The following ANKRD30B variants were observed in gnomAD, a reference collection of about 807,000 sequenced individuals.
The protein encoded by ANKRD30B is ankyrin repeat domain-containing protein 30B.
A neutral mutation model predicts 202.2 loss-of-function variants in ANKRD30B; 144 were observed. The observed-to-expected ratio is 0.71, with a 90% CI of 0.62 to 0.82. The LOEUF is 0.82. Ranked by LOEUF, ANKRD30B falls within the 40% of genes least tolerant of loss-of-function variation. ANKRD30B has a pLI of 0.00. For missense variants in ANKRD30B, 1,487 were observed against 1,669.1 expected, an observed-to-expected ratio of 0.89 and a Z score of 1.90; for synonymous variants, 508 against 561.3, an observed-to-expected ratio of 0.91 and a Z score of 1.34.
chr18:14,911,399 AT>A, the ANKRD30B span, among the ~76,000 whole-genome samples: 1 of 152,068 alleles, frequency 6.6e-6, no homozygotes, highest in South Asian at 2.1e-4. Flanking sequence ...TCCAGTGTAT[AT>A]GTATTTTTGA....
chr18:14,870,535 C>T, the ANKRD30B span, among the ~76,000 whole-genome samples: 2,236 of 152,248 alleles, frequency 0.015, 64 homozygotes, highest in African/African-American at 0.052. Context: ...GGAACACTTC[C>T]CACAGGCGTT....
intron 39 of ANKRD30B, among the ~76,000 whole-genome samples, chr18:14,846,836 G>T (rs544812465): frequency 6.6e-6 from 1 of 151,502 alleles, no homozygotes; most frequent in East Asian, 1.9e-4. Context: ...TCTTATAGGT[G>T]TTATACAGGT....
intron 15 of ANKRD30B, among the ~76,000 whole-genome samples, chr18:14,788,365 G>A (rs1968226357): frequency 6.6e-6 from 1 of 152,028 alleles, no homozygotes; most frequent in Admixed American, 6.6e-5. Flanking sequence ...GCTTGATGTA[G>A]AGAGAGTTAT....
At chr18:14,865,193 G>A in the ANKRD30B span, among the ~76,000 whole-genome samples, 23 of 148,098 alleles carry the variant, frequency 1.6e-4, no homozygotes, top group Admixed American at 1.1e-3. Flanking sequence ...TCGTCTTTTC[G>A]CAAAACCTTT....
At position 14,814,638 on chromosome 18, in the gene ANKRD30B, C is replaced by T; in HGVS notation, c.2568C>T (p.Leu856=). 1 of 1,192,790 alleles carries T rather than the reference C, an allele frequency of 8.4e-7. No individual in the cohort carries two copies. The highest frequency in any genetic ancestry group is 1.2e-6 in the Non-Finnish European group (1 of 847,558). 73.9% of individuals were successfully genotyped at this position (1,192,790 alleles called of 1,614,324 possible). A position where few individuals can be genotyped will look rare whatever the true frequency, so the allele number is the denominator to read the frequency against. ...TTTAACAGAGTTTCCTTGAGGCTCT[C>T]TTACAGAATGATGGGTGTTTACCCA... ...SWDFESFLEA[L]LQNDGCLPKA... The change falls in exon 30 of 44, where the codon CTC becomes CTT. Residue 856 remains leucine, a synonymous_variant. Transcript: ENST00000690538.
At chr18:14,818,779 G>A (rs1413625289) in intron 30 of ANKRD30B, among the ~76,000 whole-genome samples, 1 of 151,960 alleles carries the variant, frequency 6.6e-6, no homozygotes, top group Non-Finnish European at 1.5e-5. Flanking sequence ...TATTTGGGTT[G>A]GTTCCAAGTC....
chr18:14,841,477 A>C (rs1173720199), intron 37 of ANKRD30B, among the ~76,000 whole-genome samples: 1 of 152,204 alleles, frequency 6.6e-6, no homozygotes, highest in Admixed American at 6.5e-5. Flanking sequence ...TAACAGGGTC[A>C]AGAGAAAGCA....
chr18:14,929,029 T>A, the ANKRD30B span, among the ~76,000 whole-genome samples: 3 of 152,216 alleles, frequency 2.0e-5, no homozygotes, highest in Non-Finnish European at 4.4e-5. Flanking sequence ...ATCTGTGTAC[T>A]GGACTTCTGT....
At chr18:14,915,117 C>T in the ANKRD30B span, among the ~76,000 whole-genome samples, 33 of 152,282 alleles carry the variant, frequency 2.2e-4, no homozygotes, top group Non-Finnish European at 3.2e-4. Context: ...ATGCTCCCCC[C>T]ACTATTTCCA....
intron 39 of ANKRD30B, among the ~76,000 whole-genome samples, chr18:14,846,188 AT>A (rs1363107323): frequency 6.6e-6 from 1 of 152,000 alleles, no homozygotes; most frequent in Non-Finnish European, 1.5e-5. Context: ...GCATTTTACA[AT>A]ATCTAATGTG....
intron 30 of ANKRD30B, among the ~76,000 whole-genome samples, chr18:14,817,953 T>C (rs1277287668): frequency 6.6e-6 from 1 of 152,146 alleles, no homozygotes; most frequent in African/African-American, 2.4e-5. Flanking sequence ...TTTTAGAGAG[T>C]TTATATCCCT....
At chr18:14,792,673 A>G (rs1177274561) in intron 16 of ANKRD30B, among the ~76,000 whole-genome samples, 1 of 151,884 alleles carries the variant, frequency 6.6e-6, no homozygotes, top group East Asian at 1.9e-4. Context: ...GAGGATTACT[A>G]GAATTGGACT....
intron 32 of ANKRD30B, among the ~76,000 whole-genome samples, chr18:14,826,710 C>CACACACACACAT: frequency 1.3e-5 from 2 of 151,234 alleles, no homozygotes. Flanking sequence ...CACACACACA[C>CACACACACACAT]ACACACACAC....
At chr18:14,779,560 T>A (rs1461966591) in intron 10 of ANKRD30B, among the ~76,000 whole-genome samples, 1 of 152,176 alleles carries the variant, frequency 6.6e-6, no homozygotes, top group African/African-American at 2.4e-5. Context: ...AACTGTGTAA[T>A]AAAGATTGCT....
At chr18:14,885,518 C>T in the ANKRD30B span, among the ~76,000 whole-genome samples, 1 of 151,992 alleles carries the variant, frequency 6.6e-6, no homozygotes, top group Non-Finnish European at 1.5e-5. Flanking sequence ...TATTCTCTAA[C>T]TTCATATTTT....
intron 34 of ANKRD30B, among the ~76,000 whole-genome samples, chr18:14,833,278 C>T (rs191945409): frequency 4.1e-5 from 6 of 147,980 alleles, no homozygotes; most frequent in South Asian, 2.2e-4. Context: ...GACGGAGTCT[C>T]GCTCTGTCGC....
chr18:14,848,976 A>C, intron 40 of ANKRD30B, 47 bp downstream of exon 40: 1 of 1,429,008 alleles, frequency 7.0e-7, no homozygotes, highest in Non-Finnish European at 9.2e-7. Flanking sequence ...TTTATACTAA[A>C]AGTATGTAGG....
At chr18:14,940,723 C>T in the ANKRD30B span, among the ~76,000 whole-genome samples, 1 of 152,304 alleles carries the variant, frequency 6.6e-6, no homozygotes, top group South Asian at 2.1e-4. Flanking sequence ...CACTGCTTCC[C>T]TTTTCTGTTG....
intron 32 of ANKRD30B, among the ~76,000 whole-genome samples, chr18:14,827,611 G>T (rs1303945833): frequency 6.6e-6 from 1 of 152,174 alleles, no homozygotes; most frequent in Non-Finnish European, 1.5e-5. Flanking sequence ...ATTTTGGTAT[G>T]AGAGCAGAGG....
Sources: gnomAD v4.1 joint callset for allele counts (sites outside exome capture counted in the v4.1 genomes callset) on GRCh38, gnomAD v4.1.1 for gene constraint, MANE v1.5 for transcripts, NCBI Gene and HGNC (gene_info 2026-07-23, HGNC 2026-07-21) for gene names.